DNAAF11: variants seen among roughly 807,000 people sequenced by gnomAD.
The protein encoded by DNAAF11 is dynein axonemal assembly factor 11.
Under a neutral mutation model 60.8 loss-of-function variants are expected in DNAAF11, and 45 were observed. The ratio of observed to expected loss-of-function variants is 0.74; its 90% CI spans 0.58 to 0.95. The LOEUF is 0.95. DNAAF11 is among the 40% of genes least tolerant of loss of function. DNAAF11 has a pLI of 0.00. For synonymous variants in DNAAF11, 191 were observed against 183.5 expected (o/e 1.04, Z -0.33); for missense variants, 546 against 546.2 (o/e 1.00, Z 0.00).
chr8:132,680,594 T>C, the DNAAF11 span, among the ~76,000 whole-genome samples: 1 of 152,174 alleles, frequency 6.6e-6, no homozygotes, highest in South Asian at 2.1e-4. Flanking sequence ...GTTTCTACAT[T>C]GCAACTTTAT....
intron 3 of DNAAF11, among the ~76,000 whole-genome samples, chr8:132,647,287 C>G (rs554424132): frequency 8.5e-4 from 128 of 151,446 alleles, no homozygotes; most frequent in Non-Finnish European, 1.6e-3. Context: ...AGATGAGAAA[C>G]CAATGAGAAC....
intron 6 of DNAAF11, among the ~76,000 whole-genome samples, chr8:132,624,839 C>T (rs1820090198): frequency 6.6e-6 from 1 of 152,062 alleles, no homozygotes; most frequent in Non-Finnish European, 1.5e-5. Flanking sequence ...TGTTAAATGT[C>T]CAAGAAAGTT....
chr8:132,636,087 C>T (rs1165920559), intron 4 of DNAAF11, among the ~76,000 whole-genome samples: 1 of 151,876 alleles, frequency 6.6e-6, no homozygotes, highest in African/African-American at 2.4e-5. Context: ...TACTTTGTTA[C>T]AGCAGCCCTA....
intron 9 of DNAAF11, 120 bp from the exon 10 acceptor site, chr8:132,610,381 G>A (rs1818542594): frequency 1.5e-6 from 1 of 648,666 alleles, no homozygotes; most frequent in Non-Finnish European, 2.7e-6. Context: ...ATGTGCTTAA[G>A]CTTATTAAAA....
intron 5 of DNAAF11, among the ~76,000 whole-genome samples, chr8:132,626,196 C>T (rs576978654): frequency 4.6e-5 from 7 of 151,946 alleles, no homozygotes; most frequent in Admixed American, 2.6e-4. Context: ...GGACTACAGG[C>T]GCCTGCCACC....
At chr8:132,637,579 T>G (rs1242422325) in intron 4 of DNAAF11, among the ~76,000 whole-genome samples, 3 of 150,716 alleles carry the variant, frequency 2.0e-5, no homozygotes, top group African/African-American at 7.3e-5. Context: ...CACTCCAGCC[T>G]GGGTGACAGA....
chr8:132,664,173 T>C (rs1824401327), intron 1 of DNAAF11, among the ~76,000 whole-genome samples: 1 of 152,242 alleles, frequency 6.6e-6, no homozygotes, highest in Non-Finnish European at 1.5e-5. Context: ...GAAGGCTTAG[T>C]TTTGTATCCA....
intron 1 of DNAAF11, among the ~76,000 whole-genome samples, chr8:132,673,100 A>T (rs1379037898): frequency 6.6e-6 from 1 of 152,202 alleles, no homozygotes; most frequent in African/African-American, 2.4e-5. Flanking sequence ...GGTTTGTGGC[A>T]CAGCAAAAGA....
the DNAAF11 span, among the ~76,000 whole-genome samples, chr8:132,701,549 G>A: frequency 6.6e-6 from 1 of 152,192 alleles, no homozygotes; most frequent in Admixed American, 6.5e-5. Context: ...CTCCTGAGCT[G>A]CATGGACCCC....
chr8:132,619,247 A>G (rs1819512182), intron 7 of DNAAF11, among the ~76,000 whole-genome samples: 1 of 149,168 alleles, frequency 6.7e-6, no homozygotes, highest in Non-Finnish European at 1.5e-5. Flanking sequence ...GAATTGAACA[A>G]TGAGAACACA....
chr8:132,646,183 A>C (rs1238352412), intron 3 of DNAAF11, among the ~76,000 whole-genome samples: 1 of 152,204 alleles, frequency 6.6e-6, no homozygotes, highest in Non-Finnish European at 1.5e-5. Flanking sequence ...GCCAATATTC[A>C]ACATTCTTAA....
chr8:132,701,014 G>T, the DNAAF11 span, among the ~76,000 whole-genome samples: 1 of 152,138 alleles, frequency 6.6e-6, no homozygotes, highest in Non-Finnish European at 1.5e-5. Flanking sequence ...GAACTTTCTT[G>T]CTGTGGTATC....
chr8:132,685,471 T>C, the DNAAF11 span, among the ~76,000 whole-genome samples: 5 of 152,220 alleles, frequency 3.3e-5, no homozygotes, highest in Non-Finnish European at 4.4e-5. Flanking sequence ...TTACTCTAGT[T>C]TTAAAATGTT....
intron 3 of DNAAF11, among the ~76,000 whole-genome samples, chr8:132,648,849 C>T (rs200920468): frequency 5.3e-5 from 8 of 151,888 alleles, no homozygotes; most frequent in South Asian, 4.2e-4. Context: ...CACTGCTCAA[C>T]GAAATAAAAG....
rs1820161817 is a variant in DNAAF11, at chr8:132,625,428, A to T, written c.680T>A (p.Leu227Gln). 1.9e-6 allele frequency: 3 copies of T among 1,611,262 alleles called. No homozygotes were observed. The African/African-American group carries it at 4.0e-5, about 22-fold the overall frequency. ...TLSSLESKDH[L>Q]QAPDTEEHNT... ...GTGTTCCTCTGTGTCTGGTGCCTGT[A>T]GGTGGTCTTTGCTCTCTAAAGAGGA... The change falls in exon 6 of 12, where the codon CTA becomes CAA. Residue 227 changes from leucine (L) to glutamine (Q), a missense_variant. Physicochemically the swap from Leu to Gln is moderately radical, Grantham distance 113. Coordinates refer to ENST00000620350, the MANE Select transcript of DNAAF11 (RefSeq NM_012472.6).
chr8:132,677,514 G>A (rs1357309115), upstream of DNAAF11, among the ~76,000 whole-genome samples: 2 of 152,114 alleles, frequency 1.3e-5, no homozygotes, highest in Admixed American at 1.3e-4. Context: ...GTTCTCAAGA[G>A]CAATTGCAAC....
At chr8:132,618,617 C>T (rs1316067219) in intron 7 of DNAAF11, among the ~76,000 whole-genome samples, 2 of 134,924 alleles carry the variant, frequency 1.5e-5, no homozygotes, top group East Asian at 2.1e-4. Flanking sequence ...AACAAACAAC[C>T]CCATCAAAAA....
At position 132,572,259 on chromosome 8, in the gene DNAAF11, A is replaced by G. The variant is rs1330029788; in HGVS notation, c.*47T>C. 1.3e-6 allele frequency: 2 copies of G among 1,572,858 alleles called. No homozygotes were observed. Among genetic ancestry groups the G allele is most frequent in the Non-Finnish European group, 1.7e-6 (2 of 1,156,404 alleles). Reference sequence around the variant, plus strand: ...ATGCATATGGTCTCTACACCAACCAAAACTGGACCTGGTGGGTCTCAGCCA... The same window carrying G: ...ATGCATATGGTCTCTACACCAACCAGAACTGGACCTGGTGGGTCTCAGCCA... On this transcript the variant is annotated 3_prime_UTR_variant, in exon 12 of 12. Coordinates refer to ENST00000620350, the MANE Select transcript of DNAAF11 (RefSeq NM_012472.6).
the DNAAF11 span, among the ~76,000 whole-genome samples, chr8:132,700,458 G>A: frequency 6.6e-6 from 1 of 151,036 alleles, no homozygotes; most frequent in Admixed American, 6.6e-5. Context: ...GGCTGAAGTG[G>A]TACCATTACT....
Sources: gnomAD v4.1 joint callset for allele counts (sites outside exome capture counted in the v4.1 genomes callset) on GRCh38, gnomAD v4.1.1 for gene constraint, MANE v1.5 for transcripts, NCBI Gene and HGNC (gene_info 2026-07-23, HGNC 2026-07-21) for gene names.